Variants in CYP21A2 observed in about 807,000 individuals in gnomAD.
CYP21A2 encodes the protein steroid 21-hydroxylase.
A neutral mutation model predicts 47.4 loss-of-function variants in CYP21A2; 24 were observed. The ratio of observed to expected loss-of-function variants is 0.51; its 90% CI spans 0.37 to 0.71. CYP21A2 has a LOEUF of 0.71. CYP21A2 is among the 30% of genes least tolerant of loss of function. The pLI, the probability that CYP21A2 is intolerant of heterozygous loss-of-function variation, is 0.00. For missense variants in CYP21A2, 358 were observed against 643.2 expected (o/e 0.56, Z 4.80); for synonymous variants, 130 against 273.9 (o/e 0.47, Z 5.19).
In CYP21A2 at chr6:32,040,151, G is replaced by A. The variant is rs753678267; in HGVS notation, c.885G>A (p.Glu295=). 3.7e-6 allele frequency: 6 copies of A among 1,612,736 alleles called. No individual in the cohort carries two copies. The highest frequency in any genetic ancestry group is 1.7e-5 in the Admixed American group (1 of 60,002). ...AAVDLLIGGT[E]TTANTLSWAV... is the part of the protein sequence containing the mutation. ...TGGACCTCCTGATCGGTGGCACTGA[G>A]ACCACAGCAAACACCCTCTCCTGGG... Residue 295 remains glutamate, a synonymous_variant, in exon 7 of 10, where the codon GAG becomes GAA. Coordinates refer to ENST00000644719, the MANE Select transcript of CYP21A2 (RefSeq NM_000500.9).
chr6:32,039,211 A>T lies in CYP21A2; in HGVS notation c.410A>T (p.Glu137Val), dbSNP rs768973843. The change falls in exon 3 of 10, where the codon GAG becomes GTG. Residue 137 changes from glutamate (E) to valine (V), a missense_variant. Transcript: ENST00000644719. ...CTGCTGGGCATCCGTGACTCCATGGAGCCAGTGGTGGAGCAGCTGACCCAG... is the reference window on the plus strand; with the variant it reads ...CTGCTGGGCATCCGTGACTCCATGGTGCCAGTGGTGGAGCAGCTGACCCAG... ...ALLLGIRDSM[E>V]PVVEQLTQEF... 8.7e-5 allele frequency: 139 copies of T among 1,591,398 alleles called. 1 individual carries two copies. The East Asian group carries it at 3.1e-3, about 35-fold the overall frequency.
Position 32,039,459 on chromosome 6 carries a change from T to G in CYP21A2, c.549+2T>G. On this transcript the variant is annotated splice_donor_variant, in intron 4 of 9. Coordinates refer to ENST00000644719, the MANE Select transcript of CYP21A2 (RefSeq NM_000500.9). LOFTEE classifies it high-confidence loss of function. ...CTCACCTTCGGAGACAAGATCAAGG[T>G]GCCTCACAGCCCCTCAGGCCCACCC... 1 of 1,604,226 alleles carries G rather than the reference T, an allele frequency of 6.2e-7. No individual in the cohort carries two copies. The highest frequency in any genetic ancestry group is 8.5e-7 in the Non-Finnish European group (1 of 1,175,022).
chr6:32,039,863 C>T (rs373325470), intron 6 of CYP21A2, 28 bp downstream of exon 6: 2 of 1,609,788 alleles, frequency 1.2e-6, no homozygotes, highest in Non-Finnish European at 1.7e-6. Context: ...ACGGCCTCCC[C>T]TCGGCCCACA....
Position 32,039,550 on chromosome 6 carries a change from A to C in CYP21A2, c.554A>C (p.Asp185Ala). 6.3e-7 allele frequency: 1 copy of C among 1,585,842 alleles called. No individual in the cohort carries two copies. Among genetic ancestry groups the C allele is most frequent in the Non-Finnish European group, 8.6e-7 (1 of 1,164,916 alleles). ...TACTCCCTCCTTTTCTGGCAGGACG[A>C]CAACTTAATGCCTGCCTATTACAAA... ...YLTFGDKIKD[D>A]NLMPAYYKCI... Residue 185 changes from aspartate (D) to alanine (A), a missense_variant, in exon 5 of 10, where the codon GAC (aspartate) becomes GCC (alanine). Physicochemically the swap from Asp to Ala is moderately radical, Grantham distance 126 (BLOSUM62 -2). Transcript: ENST00000644719.
chr6:32,039,622 T>C lies in CYP21A2; in HGVS notation c.626T>C (p.Ile209Thr). 6.4e-7 allele frequency: 1 copy of C among 1,563,296 alleles called. No individual in the cohort carries two copies. Among genetic ancestry groups the C allele is most frequent in the South Asian group, 1.2e-5 (1 of 85,376 alleles). ...ACCTGGAGCCACTGGTCCATCCAAATTGTGGACGTGATTCCCTTTCTCAGG... is the reference window on the plus strand; with the variant it reads ...ACCTGGAGCCACTGGTCCATCCAAACTGTGGACGTGATTCCCTTTCTCAGG... ...LKTWSHWSIQ[I>T]VDVIPFLRFF... The change falls in exon 5 of 10, where the codon ATT (isoleucine) becomes ACT (threonine). Residue 209 changes from isoleucine to threonine, a missense_variant. Physicochemically the swap from Ile to Thr is moderately conservative, Grantham distance 89 (BLOSUM62 -1). Transcript: ENST00000644719.
chr6:32,038,895 A>G lies in CYP21A2; in HGVS notation c.292+84A>G, dbSNP rs548494893. 4.7e-4 allele frequency: 643 copies of G among 1,375,204 alleles called. 2 individuals are homozygous for G. The highest frequency in any genetic ancestry group is 1.2e-3 in the Admixed American group (61 of 50,822). 85.2% of individuals were successfully genotyped at this position (1,375,204 alleles called of 1,614,324 possible). ...TTGCTATGCTGCCCAGGCTGGTCTTAAATTCCTAGTCTCAAATGATCCTCC... is the reference window on the plus strand; with the variant it reads ...TTGCTATGCTGCCCAGGCTGGTCTTGAATTCCTAGTCTCAAATGATCCTCC... On this transcript the variant is annotated intron_variant, in intron 2 of 9. Coordinates refer to ENST00000644719, the MANE Select transcript of CYP21A2 (RefSeq NM_000500.9).
In CYP21A2 at chr6:32,041,618, C is replaced by G. The variant is rs1345297964; in HGVS notation, c.*484C>G. 1.1e-5 allele frequency: 12 copies of G among 1,082,782 alleles called. No individual in the cohort carries two copies. The East Asian group carries it at 1.3e-4, about 12-fold the overall frequency. 67.1% of individuals were successfully genotyped at this position (1,082,782 alleles called of 1,614,324 possible). On this transcript the variant is annotated 3_prime_UTR_variant, in exon 10 of 10. Transcript: ENST00000644719. ...TTAATTCTGAGCTGGCCCTTTCCAG[C>G]CAATAAATCAACTCCAGCTCCCTCT...
At position 32,039,125 on chromosome 6, in the gene CYP21A2, G is replaced by C. The variant is rs6456; in HGVS notation, c.324G>C (p.Leu108=). Residue 108 remains leucine, a synonymous_variant, in exon 3 of 10, where the codon CTG becomes CTC. Transcript: ENST00000644719. ...YKLVSRNYPD[L]SLGDYSLLWK... ...TGGTGTCTAGGAACTACCCGGACCT[G>C]TCCTTGGGAGACTACTCCCTGCTCT... is the stretch of plus-strand genomic sequence containing the variant. The C allele has an allele frequency of 6.2e-7, 1 of 1,609,672 alleles. No individual in the cohort carries two copies. Among genetic ancestry groups the C allele is most frequent in the African/African-American group, 1.3e-5 (1 of 74,574 alleles).
In CYP21A2 at chr6:32,038,557, C is replaced by G; in HGVS notation, c.135C>G (p.Leu45=). Residue 45 remains leucine, a synonymous_variant, in exon 1 of 10, where the codon CTC becomes CTG. Coordinates refer to ENST00000644719, the MANE Select transcript of CYP21A2 (RefSeq NM_000500.9). ...TCTTGCACCTGCTGCAGCCCGACCTCCCCATCTATCTGCTTGGCCTGACTC... is the reference window on the plus strand; with the variant it reads ...TCTTGCACCTGCTGCAGCCCGACCTGCCCATCTATCTGCTTGGCCTGACTC... The part of the protein sequence containing the change: ...PGFLHLLQPD[L]PIYLLGLTQK... 6.2e-7 allele frequency: 1 copy of G among 1,602,142 alleles called. No homozygotes were observed. Among genetic ancestry groups the G allele is most frequent in the Non-Finnish European group, 8.5e-7 (1 of 1,173,906 alleles).
rs757260267 is a variant in CYP21A2, at chr6:32,039,975, C to T, written c.739-30C>T. ...TCTGTACTCCTCTCCCCAGGCCAGC[C>T]GCTCAGCCCGCTCCTTTCACCCTCT... On this transcript the variant is annotated intron_variant, in intron 6 of 9. Coordinates refer to ENST00000644719, the MANE Select transcript of CYP21A2 (RefSeq NM_000500.9). 3.8e-5 allele frequency: 62 copies of T among 1,611,264 alleles called. 2 individuals carry two copies. The East Asian group carries it at 8.0e-4, about 21-fold the overall frequency.
chr6:32,041,151 C>T lies in CYP21A2; in HGVS notation c.*17C>T, dbSNP rs775482934. The T allele has an allele frequency of 1.8e-5, 28 of 1,585,398 alleles. No individual in the cohort carries two copies. The highest frequency in any genetic ancestry group is 2.3e-5 in the Non-Finnish European group (27 of 1,162,354). ...AGCCAGTGATGGGGCAGGACCGATG[C>T]CAGCCGGGTACCTCAGTTTCTCCTT... On this transcript the variant is annotated 3_prime_UTR_variant, in exon 10 of 10. Transcript: ENST00000644719.
chr6:32,041,571 C>G lies in CYP21A2; in HGVS notation c.*437C>G. On this transcript the variant is annotated 3_prime_UTR_variant, in exon 10 of 10. Coordinates refer to ENST00000644719, the MANE Select transcript of CYP21A2 (RefSeq NM_000500.9). The stretch of plus-strand genomic sequence containing the variant: ...TCCCCGCAGAGCTCCCTTCCTGACC[C>G]TCCGCTGCAGAGGATTGAGGCTTAA... 1 of 1,060,902 alleles carries G rather than the reference C, an allele frequency of 9.4e-7. No individual in the cohort carries two copies. The highest frequency in any genetic ancestry group is 2.6e-5 in the East Asian group (1 of 38,882). The allele number at this position is 1,060,902 out of a possible 1,614,324, so 65.7% of individuals were successfully genotyped here. A position where few individuals can be genotyped will look rare whatever the true frequency, so the allele number is the denominator to read the frequency against.
chr6:32,038,909 A>C (rs1776031293), intron 2 of CYP21A2, 98 bp downstream of exon 2: 3 of 1,382,116 alleles, frequency 2.2e-6, no homozygotes, highest in Non-Finnish European at 3.0e-6. Flanking sequence ...TCCTAGTCTC[A>C]AATGATCCTC....
chr6:32,041,521 G>T lies in CYP21A2; in HGVS notation c.*387G>T, dbSNP rs1465299055. The T allele has an allele frequency of 1.4e-5, 17 of 1,192,216 alleles. 1 individual carries two copies. Among genetic ancestry groups the T allele is most frequent in the Non-Finnish European group, 1.7e-5 (14 of 827,958 alleles). The allele number at this position is 1,192,216 out of a possible 1,614,324, so 73.9% of individuals were successfully genotyped here. ...CTGCTCTTCCCGTTCCCCTTAAGGA[G>T]GTAGCTCCCAGCACTCAACCAACCT... On this transcript the variant is annotated 3_prime_UTR_variant, in exon 10 of 10. Coordinates refer to ENST00000644719, the MANE Select transcript of CYP21A2 (RefSeq NM_000500.9).
rs548323543 is a variant in CYP21A2, at chr6:32,039,667, A to G, written c.651+20A>G. 22 of 1,564,126 alleles carry G rather than the reference A, an allele frequency of 1.4e-5. No homozygotes were observed. The South Asian group carries it at 1.6e-4, about 12-fold the overall frequency. ...CTCAGGGTGAGGACCTGGAGCCTAG[A>G]CACCCCTGGGTTGTAGGGGAGAGGC... On this transcript the variant is annotated intron_variant, in intron 5 of 9. Transcript: ENST00000644719.
chr6:32,039,483 C>T (rs1346197342), intron 4 of CYP21A2, 26 bp downstream of exon 4: 12 of 1,579,398 alleles, frequency 7.6e-6, no homozygotes, highest in Non-Finnish European at 1.0e-5. Context: ...TCAGGCCCAC[C>T]CCCAGCCCCT....
In CYP21A2 at chr6:32,039,683, G is replaced by A. The variant is rs776330578; in HGVS notation, c.651+36G>A. On this transcript the variant is annotated intron_variant, in intron 5 of 9. Coordinates refer to ENST00000644719, the MANE Select transcript of CYP21A2 (RefSeq NM_000500.9). The stretch of plus-strand genomic sequence containing the variant: ...GGAGCCTAGACACCCCTGGGTTGTA[G>A]GGGAGAGGCTGGGGTGGAGGGAGAG... The A allele has an allele frequency of 3.2e-6, 5 of 1,568,150 alleles. No individual in the cohort carries two copies. In the East Asian group the frequency reaches 7.1e-5, roughly 22 times the overall value.
In CYP21A2 at chr6:32,041,536, T is replaced by G. The variant is rs1408866896; in HGVS notation, c.*402T>G. ...CCCTTAAGGAGGTAGCTCCCAGCAC[T>G]CAACCAACCTCCCCGCAGAGCTCCC... is the stretch of plus-strand genomic sequence containing the variant. On this transcript the variant is annotated 3_prime_UTR_variant, in exon 10 of 10. Transcript: ENST00000644719. 9.1e-7 allele frequency: 1 copy of G among 1,102,068 alleles called. No individual in the cohort carries two copies. Among genetic ancestry groups the G allele is most frequent in the African/African-American group, 1.7e-5 (1 of 59,056 alleles). The allele number at this position is 1,102,068 out of a possible 1,614,324, so 68.3% of individuals were successfully genotyped here.
Position 32,041,602 on chromosome 6 carries a change from A to C in CYP21A2, c.*468A>C. The C allele has an allele frequency of 2.8e-6, 3 of 1,073,836 alleles. No homozygotes were observed. In the South Asian group the frequency reaches 4.1e-5, roughly 15 times the overall value. The allele number at this position is 1,073,836 out of a possible 1,614,324, so 66.5% of individuals were successfully genotyped here. The stretch of plus-strand genomic sequence containing the variant: ...TGCAGAGGATTGAGGCTTAATTCTG[A>C]GCTGGCCCTTTCCAGCCAATAAATC... On this transcript the variant is annotated 3_prime_UTR_variant, in exon 10 of 10. Transcript: ENST00000644719.
Sources: allele counts gnomAD v4.1 joint callset, GRCh38; gene constraint gnomAD v4.1.1; transcripts MANE v1.5; gene names NCBI Gene and HGNC (gene_info 2026-07-23, HGNC 2026-07-21).